DIP2B: variants seen among roughly 807,000 people sequenced by gnomAD.
DIP2B encodes the protein disco-interacting protein 2 homolog B.
In DIP2B, 76 loss-of-function variants were observed where a neutral mutation model predicts 198.0. That is an observed-to-expected ratio of 0.38 (90% CI 0.32 to 0.46). The LOEUF (loss-of-function observed/expected upper bound fraction) is 0.46. Among genes scored for constraint, DIP2B ranks in the 20% least tolerant of loss-of-function variants. The pLI is 0.99. For synonymous variants in DIP2B, 701 were observed against 739.1 expected (o/e 0.95, Z 0.84); for missense variants, 1,559 against 1,978.4 (o/e 0.79, Z 4.02).
At chr12:50,514,065 C>CT (rs71083583) in intron 1 of DIP2B, among the ~76,000 whole-genome samples, 34,460 of 118,764 alleles carry the variant, frequency 0.29, 5,410 homozygotes, top group Non-Finnish European at 0.38. Flanking sequence ...ACTCAGTTGT[C>CT]TTTTTTTTTT....
intron 1 of DIP2B, among the ~76,000 whole-genome samples, chr12:50,580,367 A>T (rs1272191597): frequency 6.7e-6 from 1 of 148,762 alleles, no homozygotes; most frequent in African/African-American, 2.5e-5. Context: ...ATTTTTCCTT[A>T]TGAGTACTCC....
Position 50,645,328 on chromosome 12 carries a change from A to G in DIP2B, c.301+4476A>G, listed in dbSNP as rs544895438. Among the ~76,000 whole-genome samples, 5 of 152,342 alleles carry G rather than the reference A, an allele frequency of 3.3e-5. No homozygotes were observed. In the South Asian group the frequency reaches 1.0e-3, roughly 32 times the overall value. The stretch of plus-strand genomic sequence containing the variant: ...CACAAAGATATATACATACATATAC[A>G]AAGATGTTTGTTGTAGTATTGTGTA... On this transcript the variant is annotated intron_variant, in intron 3 of 37. Transcript: ENST00000301180.
chr12:50,733,250 CTTTCTT>C lies in DIP2B; in HGVS notation c.3981+718_3981+723del, dbSNP rs1220692416. Among the ~76,000 whole-genome samples the C allele has an allele frequency of 4.4e-3, 309 of 70,172 alleles. 2 individuals carry two copies. Among genetic ancestry groups the C allele is most frequent in the Admixed American group, 6.8e-3 (26 of 3,838 alleles). The allele number at this position is 70,172 out of a possible 152,430, so 46.0% of individuals were successfully genotyped here. A position where few individuals can be genotyped will look rare whatever the true frequency, so the allele number is the denominator to read the frequency against. On this transcript the variant is annotated intron_variant, in intron 32 of 37. Transcript: ENST00000301180. Reference sequence around the variant, plus strand: ...CTCTATATTCTATACCATTTTTTTTCTTTCTTTTTTTTTTTTTTTTTCCAAACAATA... The same window carrying C: ...CTCTATATTCTATACCATTTTTTTTCTTTTTTTTTTTTTTTCCAAACAATA...
At chr12:50,604,461 T>G (rs1342657989) in intron 1 of DIP2B, among the ~76,000 whole-genome samples, 1 of 152,284 alleles carries the variant, frequency 6.6e-6, no homozygotes, top group South Asian at 2.1e-4. Flanking sequence ...ATAACTTGAT[T>G]GCATTTTTTT....
chr12:50,531,583 T>C (rs1958217488), intron 1 of DIP2B, among the ~76,000 whole-genome samples: 1 of 152,136 alleles, frequency 6.6e-6, no homozygotes, highest in South Asian at 2.1e-4. Context: ...GACCTTTGCC[T>C]AAGCTGTTTT....
chr12:50,612,365 T>C (rs1444842855), intron 1 of DIP2B, among the ~76,000 whole-genome samples: 2 of 152,198 alleles, frequency 1.3e-5, no homozygotes, highest in Non-Finnish European at 2.9e-5. Flanking sequence ...AATCGTGTTA[T>C]TTCTTCTTGA....
intron 3 of DIP2B, chr12:50,654,948 G>A: frequency 9.1e-6 from 4 of 439,390 alleles, no homozygotes; most frequent in South Asian, 6.5e-5. Flanking sequence ...GGTAAAAACT[G>A]TTTTGGGGGA....
chr12:50,728,487 G>C (rs1418324677), intron 29 of DIP2B, 61 bp from the exon 30 acceptor site: 2 of 1,563,390 alleles, frequency 1.3e-6, no homozygotes, highest in Non-Finnish European at 1.7e-6. Context: ...GCTGTCGTCA[G>C]AGCTGTTACT....
At chr12:50,744,166 TA>T in intron 37 of DIP2B, among the ~76,000 whole-genome samples, 1 of 152,184 alleles carries the variant, frequency 6.6e-6, no homozygotes. Context: ...CAAGTCTGGC[TA>T]ATTTTTGTAT....
chr12:50,570,703 G>C (rs1467671805), intron 1 of DIP2B, among the ~76,000 whole-genome samples: 1 of 152,158 alleles, frequency 6.6e-6, no homozygotes, highest in Non-Finnish European at 1.5e-5. Flanking sequence ...AGTGAAACTC[G>C]GTCCCCCAAC....
intron 1 of DIP2B, among the ~76,000 whole-genome samples, chr12:50,545,279 G>A (rs1958366161): frequency 6.6e-6 from 1 of 151,890 alleles, no homozygotes; most frequent in Admixed American, 6.6e-5. Context: ...ATTTCTTCCT[G>A]TACTTACCAA....
chr12:50,652,751 G>A (rs1264575655), intron 3 of DIP2B, among the ~76,000 whole-genome samples: 1 of 152,168 alleles, frequency 6.6e-6, no homozygotes, highest in African/African-American at 2.4e-5. Flanking sequence ...TCCAGTCCAT[G>A]AACACAGGAT....
chr12:50,583,316 G>A (rs1234517886), intron 1 of DIP2B, among the ~76,000 whole-genome samples: 3 of 150,868 alleles, frequency 2.0e-5, no homozygotes, highest in African/African-American at 7.3e-5. Flanking sequence ...TTTTTTGGCA[G>A]CCAGACTCCT....
At chr12:50,538,542 T>C (rs1958290528) in intron 1 of DIP2B, among the ~76,000 whole-genome samples, 1 of 152,192 alleles carries the variant, frequency 6.6e-6, no homozygotes, top group African/African-American at 2.4e-5. Flanking sequence ...TTCAGTAATA[T>C]GTTGCAGTCA....
intron 1 of DIP2B, among the ~76,000 whole-genome samples, chr12:50,582,045 A>G (rs922054034): frequency 2.0e-5 from 3 of 151,960 alleles, no homozygotes; most frequent in African/African-American, 4.8e-5. Context: ...GAGAGGACAC[A>G]GGGCATGGTG....
rs1938913213 is a variant in DIP2B at position 50,674,606 on chromosome 12, C to T, written c.773C>T (p.Ser258Phe). Residue 258 changes from serine (S) to phenylalanine (F), a missense_variant, in exon 6 of 38, where the codon TCC (serine) becomes TTC (phenylalanine). Coordinates refer to ENST00000301180, the MANE Select transcript of DIP2B (RefSeq NM_173602.3). ...GGCATGCACAAAGGATCCAACAGGT[C>T]CAGCCTTATGGATACAGCTGATGGT... ...VKGMHKGSNR[S>F]SLMDTADGVP... 6.2e-7 allele frequency: 1 copy of T among 1,614,042 alleles called. No individual in the cohort carries two copies. Among genetic ancestry groups the T allele is most frequent in the Non-Finnish European group, 8.5e-7 (1 of 1,180,034 alleles).
chr12:50,619,919 G>A (rs1190751533), intron 1 of DIP2B, among the ~76,000 whole-genome samples: 1 of 151,968 alleles, frequency 6.6e-6, no homozygotes, highest in African/African-American at 2.4e-5. Context: ...AAATTAGCTG[G>A]GTGTGATAGC....
At chr12:50,693,959 G>T (rs901842596) in intron 14 of DIP2B, among the ~76,000 whole-genome samples, 1 of 152,126 alleles carries the variant, frequency 6.6e-6, no homozygotes, top group African/African-American at 2.4e-5. Context: ...AGGGTGTCTT[G>T]TGTATGCTTG....
chr12:50,708,082 G>GC (rs777291636), intron 21 of DIP2B, among the ~76,000 whole-genome samples: 2 of 151,414 alleles, frequency 1.3e-5, no homozygotes, highest in Non-Finnish European at 2.9e-5. Context: ...TCAGGGAGGC[G>GC]CCCCCCGAGC....
Sources: allele counts gnomAD v4.1 joint callset (sites outside exome capture counted in the v4.1 genomes callset), GRCh38; gene constraint gnomAD v4.1.1; transcripts MANE v1.5; gene names NCBI Gene and HGNC (gene_info 2026-07-23, HGNC 2026-07-21).